ZC3H13: variants seen among roughly 807,000 people sequenced by gnomAD.
ZC3H13 encodes zinc finger CCCH-type containing 13.
ZC3H13 carries 64 observed loss-of-function variants against 204.1 expected under a neutral mutation model. The observed-to-expected ratio is 0.31, with a 90% CI of 0.26 to 0.39. The LOEUF is 0.39. Ranked by LOEUF, ZC3H13 falls within the 10% of genes least tolerant of loss-of-function variation. The probability of loss-of-function intolerance (pLI) is 1.00; values close to 1 mark genes in which losing one functional copy is unlikely to be tolerated. For missense variants in ZC3H13, 1,833 were observed against 2,082.7 expected, an observed-to-expected ratio of 0.88 and a Z score of 2.33; for synonymous variants, 667 against 693.7, an observed-to-expected ratio of 0.96 and a Z score of 0.60.
At chr13:45,987,540 A>G (rs956256298) in intron 9 of ZC3H13, among the ~76,000 whole-genome samples, 1 of 45,910 alleles carries the variant, frequency 2.2e-5, no homozygotes, top group Non-Finnish European at 3.9e-5. Flanking sequence ...TCATACATAC[A>G]AAAAAAAAAT....
In ZC3H13 at chr13:46,017,546, A is replaced by G. The variant is rs570982260; in HGVS notation, c.448+2903T>C. On this transcript the variant is annotated intron_variant, in intron 5 of 18. Transcript: ENST00000679008. Reference sequence around the variant, plus strand: ...TATTTTTCATAAAAGCATATAATGGATTTTTATATGTCATTGTTAAATGAA... The same window carrying G: ...TATTTTTCATAAAAGCATATAATGGGTTTTTATATGTCATTGTTAAATGAA... 1.2e-4 allele frequency among the ~76,000 whole-genome samples: 19 copies of G among 152,260 alleles called. No homozygotes were observed. The East Asian group carries it at 3.7e-3, about 29-fold the overall frequency.
At chr13:46,050,814 AT>A (rs1389467230) in intron 1 of ZC3H13, among the ~76,000 whole-genome samples, 1 of 87,276 alleles carries the variant, frequency 1.1e-5, no homozygotes, top group Non-Finnish European at 2.2e-5. Context: ...AGAAAAAACA[AT>A]TTGTTAAAAA....
intron 10 of ZC3H13, among the ~76,000 whole-genome samples, chr13:45,984,810 C>A (rs1165644066): frequency 6.6e-6 from 1 of 152,090 alleles, no homozygotes; most frequent in Non-Finnish European, 1.5e-5. Flanking sequence ...ATGGCAAATA[C>A]TTTTTATGAA....
Position 46,046,977 on chromosome 13 carries a change from A to G in ZC3H13, c.-9-1461T>C, listed in dbSNP as rs950487057. Among the ~76,000 whole-genome samples, 5 of 152,212 alleles carry G rather than the reference A, an allele frequency of 3.3e-5. No individual in the cohort carries two copies. The South Asian group carries it at 1.0e-3, about 31-fold the overall frequency. ...TTAGTTGAAATCTTATCAATCATCAAAAGTTACTAGAATGAACCACAGCAG... is the reference window on the plus strand; with the variant it reads ...TTAGTTGAAATCTTATCAATCATCAGAAGTTACTAGAATGAACCACAGCAG... On this transcript the variant is annotated intron_variant, in intron 1 of 18. Coordinates refer to ENST00000679008, the MANE Select transcript of ZC3H13 (RefSeq NM_001330564.2).
intron 5 of ZC3H13, among the ~76,000 whole-genome samples, chr13:46,019,360 T>C (rs1367510950): frequency 6.6e-6 from 1 of 152,136 alleles, no homozygotes; most frequent in Admixed American, 6.6e-5. Flanking sequence ...AAAACTTTTT[T>C]TGCAAAAACC....
intron 4 of ZC3H13, among the ~76,000 whole-genome samples, chr13:46,022,419 A>G (rs558379007): frequency 6.6e-6 from 1 of 152,072 alleles, no homozygotes; most frequent in African/African-American, 2.4e-5. Flanking sequence ...TTGTTTAGGT[A>G]TGTTATGCCT....
chr13:45,971,479 C>G (rs1350117925), intron 12 of ZC3H13, among the ~76,000 whole-genome samples: 1 of 151,960 alleles, frequency 6.6e-6, no homozygotes, highest in South Asian at 2.1e-4. Context: ...AAGAATGAAA[C>G]CGGATCCCTC....
chr13:45,981,701 AT>A (rs1416877717), intron 10 of ZC3H13, among the ~76,000 whole-genome samples: 1 of 152,168 alleles, frequency 6.6e-6, no homozygotes, highest in East Asian at 1.9e-4. Context: ...ATGGCATCTC[AT>A]TGTGGTTTTG....
At chr13:46,032,115 T>G (rs2042934721) in intron 4 of ZC3H13, among the ~76,000 whole-genome samples, 1 of 152,190 alleles carries the variant, frequency 6.6e-6, no homozygotes, top group Non-Finnish European at 1.5e-5. Flanking sequence ...GTAAGGTCAC[T>G]GATCGCAACA....
chr13:45,957,108 A>G lies in ZC3H13; in HGVS notation c.*19T>C. On this transcript the variant is annotated 3_prime_UTR_variant, in exon 19 of 19. Coordinates refer to ENST00000679008, the MANE Select transcript of ZC3H13 (RefSeq NM_001330564.2). ...GCTGAAGGAAGACAGTACCAAAAATACCATATTGAACTTCGGTCTTAAGAC... is the reference window on the plus strand; with the variant it reads ...GCTGAAGGAAGACAGTACCAAAAATGCCATATTGAACTTCGGTCTTAAGAC... 6.9e-7 allele frequency: 1 copy of G among 1,447,016 alleles called. No homozygotes were observed. The highest frequency in any genetic ancestry group is 9.2e-7 in the Non-Finnish European group (1 of 1,087,730). The allele number at this position is 1,447,016 out of a possible 1,614,324, so 89.6% of individuals were successfully genotyped here.
chr13:45,966,597 C>A (rs1952107337), intron 15 of ZC3H13, among the ~76,000 whole-genome samples: 1 of 152,084 alleles, frequency 6.6e-6, no homozygotes, highest in Non-Finnish European at 1.5e-5. Context: ...GGGATACTGA[C>A]TCCAATCACA....
intron 5 of ZC3H13, among the ~76,000 whole-genome samples, chr13:46,015,543 AC>A (rs1373984531): frequency 2.0e-5 from 3 of 152,064 alleles, no homozygotes; most frequent in Non-Finnish European, 4.4e-5. Flanking sequence ...GGATGTACTA[AC>A]CTCCAAGATT....
intron 10 of ZC3H13, among the ~76,000 whole-genome samples, chr13:45,981,762 G>A (rs549940563): frequency 1.7e-4 from 25 of 150,788 alleles, no homozygotes; most frequent in East Asian, 9.8e-4. Flanking sequence ...GTAAACTATC[G>A]CAAGAACAAA....
rs1444908613 is a variant in ZC3H13, at chr13:45,955,846, T to C, written c.*1281A>G. 1.3e-5 allele frequency: 2 copies of C among 152,116 alleles called. No individual in the cohort carries two copies. Among genetic ancestry groups the C allele is most frequent in the African/African-American group, 4.8e-5 (2 of 41,434 alleles). 9.4% of individuals were successfully genotyped at this position (152,116 alleles called of 1,614,324 possible). On this transcript the variant is annotated 3_prime_UTR_variant, in exon 19 of 19. Transcript: ENST00000679008. ...AAGTAACTTTACAACATATGTTTCT[T>C]GAACAGAAACTTTACACCACTGTCA...
intron 12 of ZC3H13, among the ~76,000 whole-genome samples, chr13:45,974,471 C>G (rs1449358956): frequency 2.0e-5 from 3 of 152,176 alleles, no homozygotes; most frequent in African/African-American, 7.2e-5. Flanking sequence ...AGCTAATCTC[C>G]AACTTCCTAG....
At chr13:46,014,079 C>T (rs939685233) in intron 5 of ZC3H13, among the ~76,000 whole-genome samples, 4 of 152,122 alleles carry the variant, frequency 2.6e-5, no homozygotes, top group Non-Finnish European at 4.4e-5. Context: ...CAAACTAGTA[C>T]ATCTATCTTG....
chr13:46,001,950 GAAA>G (rs1362129152), intron 8 of ZC3H13, among the ~76,000 whole-genome samples: 2 of 130,334 alleles, frequency 1.5e-5, no homozygotes, highest in Non-Finnish European at 1.7e-5. Context: ...TTAACAGAGT[GAAA>G]AAAAAAAAAG....
At chr13:46,032,362 C>CAAAAAAAAAAAAAAAAAA (rs11323386) in intron 4 of ZC3H13, among the ~76,000 whole-genome samples, 1 of 99,660 alleles carries the variant, frequency 1.0e-5, no homozygotes, top group African/African-American at 3.5e-5. Flanking sequence ...AGAAAAAGAC[C>CAAAAAAAAAAAAAAAAAA]AAAAAAAAAA....
chr13:45,973,195 A>G (rs1364267544), intron 12 of ZC3H13, among the ~76,000 whole-genome samples: 1 of 152,246 alleles, frequency 6.6e-6, no homozygotes, highest in African/African-American at 2.4e-5. Flanking sequence ...AAAACATGAG[A>G]AAAAGTTATT....
Sources: gnomAD v4.1 joint callset for allele counts (sites outside exome capture counted in the v4.1 genomes callset) on GRCh38, gnomAD v4.1.1 for gene constraint, MANE v1.5 for transcripts, NCBI Gene and HGNC (gene_info 2026-07-23, HGNC 2026-07-21) for gene names.